Variants in MACROH2A2 observed in about 807,000 individuals in gnomAD.
MACROH2A2 encodes macroH2A.2 histone.
In MACROH2A2, 6 loss-of-function variants were observed where a neutral mutation model predicts 37.6. The observed-to-expected ratio is 0.16, with a 90% CI of 0.09 to 0.32. The LOEUF (loss-of-function observed/expected upper bound fraction) is 0.32, where lower values mean the gene tolerates loss of function less well. Ranked by LOEUF, MACROH2A2 falls within the 10% of genes least tolerant of loss-of-function variation. The pLI, the probability that MACROH2A2 is intolerant of heterozygous loss-of-function variation, is 1.00. For synonymous variants in MACROH2A2, 192 were observed against 202.7 expected, an observed-to-expected ratio of 0.95 and a Z score of 0.45; for missense variants, 290 against 485.9, an observed-to-expected ratio of 0.60 and a Z score of 3.79.
chr10:70,104,879 G>A (rs1483180501), intron 7 of MACROH2A2, among the ~76,000 whole-genome samples: 1 of 152,140 alleles, frequency 6.6e-6, no homozygotes, highest in Non-Finnish European at 1.5e-5. Context: ...GATGCTTCCT[G>A]ATTTCAACAA....
chr10:70,110,728 T>G (rs2072367164), intron 8 of MACROH2A2, among the ~76,000 whole-genome samples: 2 of 149,092 alleles, frequency 1.3e-5, no homozygotes, highest in African/African-American at 4.9e-5. Flanking sequence ...TACAAAAAAT[T>G]TAAAAAAAAA....
At chr10:70,069,418 G>T (rs143311832) in intron 1 of MACROH2A2, among the ~76,000 whole-genome samples, 1 of 152,218 alleles carries the variant, frequency 6.6e-6, no homozygotes, top group East Asian at 1.9e-4. Flanking sequence ...GTAATTATAA[G>T]ACTGTATACC....
At chr10:70,108,844 C>T (rs926200055) in intron 7 of MACROH2A2, among the ~76,000 whole-genome samples, 189 bp from the exon 8 acceptor site, 5 of 150,184 alleles carry the variant, frequency 3.3e-5, no homozygotes, top group Non-Finnish European at 5.9e-5. Flanking sequence ...CTTGTGCTAA[C>T]TGTGCAAAGC....
Position 70,075,956 on chromosome 10 carries a change from G to A in MACROH2A2, c.172+126G>A. On this transcript the variant is annotated intron_variant, in intron 2 of 8. Coordinates refer to ENST00000373255, the MANE Select transcript of MACROH2A2 (RefSeq NM_018649.3). This position sits in a 1 kb window ranked among gnomAD's most constrained non-coding sequence, Gnocchi z 5.0. ...CTGGCTCAAGGCTACTGTGGGTGGT[G>A]ACAGGGTTGCAACTGGCCTGCTTGG... 1.3e-6 allele frequency: 1 copy of A among 741,198 alleles called. No homozygotes were observed. The highest frequency in any genetic ancestry group is 2.2e-6 in the Non-Finnish European group (1 of 451,076). 45.9% of individuals were successfully genotyped at this position (741,198 alleles called of 1,614,324 possible).
rs2072009783 is a variant in MACROH2A2 at position 70,055,504 on chromosome 10, G to C, written c.-60+2504G>C. On this transcript the variant is annotated intron_variant, in intron 1 of 8. Transcript: ENST00000373255. Reference sequence around the variant, plus strand: ...AGGGGTCCTCCCATCTCAGCCTCCTGAGTATACACCAATTCTTAAACACCT... The same window carrying C: ...AGGGGTCCTCCCATCTCAGCCTCCTCAGTATACACCAATTCTTAAACACCT... 1.3e-5 allele frequency among the ~76,000 whole-genome samples: 2 copies of C among 152,022 alleles called. 1 individual carries two copies. Among genetic ancestry groups the C allele is most frequent in the Admixed American group, 1.3e-4 (2 of 15,264 alleles).
chr10:70,086,741 C>A (rs1366139621), intron 2 of MACROH2A2, among the ~76,000 whole-genome samples: 2 of 152,140 alleles, frequency 1.3e-5, no homozygotes, highest in East Asian at 3.8e-4. Flanking sequence ...AATTGGGAGG[C>A]TCATTAACCC....
intron 2 of MACROH2A2, among the ~76,000 whole-genome samples, chr10:70,084,725 C>T (rs942133532): frequency 7.2e-5 from 11 of 152,094 alleles, no homozygotes; most frequent in Non-Finnish European, 8.8e-5. Context: ...CCTTAGCCCC[C>T]TAAGTAGGTG....
intron 1 of MACROH2A2, among the ~76,000 whole-genome samples, chr10:70,063,059 G>A (rs962838968): frequency 2.0e-5 from 3 of 151,968 alleles, no homozygotes; most frequent in African/African-American, 7.2e-5. Context: ...GGCCCACCTT[G>A]CTGGCTGGCA....
chr10:70,098,393 G>A (rs1013208711), intron 6 of MACROH2A2: 1 of 150,660 alleles, frequency 6.6e-6, no homozygotes. Flanking sequence ...GAGGGAAGGA[G>A]GGGGAGGGGG....
chr10:70,084,470 TGAACCCAGGTTAAAACTGC>T (rs1294450064), intron 2 of MACROH2A2, among the ~76,000 whole-genome samples: 4 of 152,326 alleles, frequency 2.6e-5, no homozygotes, highest in African/African-American at 7.2e-5. Context: ...GAGAATCACT[TGAACCCAGGTTAAAACTGC>T]GAGCCCAGGT....
chr10:70,068,015 T>C (rs2072088769), intron 1 of MACROH2A2, among the ~76,000 whole-genome samples: 1 of 152,128 alleles, frequency 6.6e-6, no homozygotes, highest in Non-Finnish European at 1.5e-5. Flanking sequence ...AGAACTGAAA[T>C]TAACCCTTGT....
chr10:70,076,321 G>A (rs1306495297), intron 2 of MACROH2A2, among the ~76,000 whole-genome samples: 1 of 152,216 alleles, frequency 6.6e-6, no homozygotes, highest in Non-Finnish European at 1.5e-5. Context: ...TCAGGTGCTG[G>A]CATGAAGCCG....
rs1292594578 is a variant in MACROH2A2 at position 70,107,162 on chromosome 10, C to T, written c.779-1871C>T. Among the ~76,000 whole-genome samples, 1 of 152,182 alleles carries T rather than the reference C, an allele frequency of 6.6e-6. No individual in the cohort carries two copies. The highest frequency in any genetic ancestry group is 1.5e-5 in the Non-Finnish European group (1 of 68,032). On this transcript the variant is annotated intron_variant, in intron 7 of 8. Coordinates refer to ENST00000373255, the MANE Select transcript of MACROH2A2 (RefSeq NM_018649.3). The surrounding 1 kb of genome is among the most constrained non-coding windows in gnomAD (Gnocchi z 4.4). ...CCTGGGTCCTGCACTCAGGCGTTCA[C>T]GTGTGATGACACTGAGCCCCGTCTA...
intron 1 of MACROH2A2, among the ~76,000 whole-genome samples, chr10:70,056,521 A>G (rs1423794372): frequency 6.6e-6 from 1 of 152,258 alleles, no homozygotes; most frequent in Non-Finnish European, 1.5e-5. Context: ...GATTGATAAT[A>G]CATAATGATA....
At position 70,107,269 on chromosome 10, in the gene MACROH2A2, G is replaced by A. The variant is rs932494492; in HGVS notation, c.779-1764G>A. ...ATTTGGCTTCTACCCATGTGAGGAA[G>A]TGCAGTCAGCACTTCCCTGACACTG... On this transcript the variant is annotated intron_variant, in intron 7 of 8. Coordinates refer to ENST00000373255, the MANE Select transcript of MACROH2A2 (RefSeq NM_018649.3). This position sits in a 1 kb window ranked among gnomAD's most constrained non-coding sequence, Gnocchi z 4.4. Among the ~76,000 whole-genome samples the A allele has an allele frequency of 6.6e-6, 1 of 152,236 alleles. No individual in the cohort carries two copies. Among genetic ancestry groups the A allele is most frequent in the African/African-American group, 2.4e-5 (1 of 41,464 alleles).
At chr10:70,090,785 AT>A (rs1337521127) in intron 3 of MACROH2A2, among the ~76,000 whole-genome samples, 2 of 152,198 alleles carry the variant, frequency 1.3e-5, no homozygotes, top group Admixed American at 6.5e-5. Context: ...ACAAGCCATA[AT>A]TTTTTGTTAT....
At chr10:70,093,124 C>G (rs940840469) in intron 4 of MACROH2A2, among the ~76,000 whole-genome samples, 2 of 152,090 alleles carry the variant, frequency 1.3e-5, no homozygotes, top group Non-Finnish European at 2.9e-5. Context: ...ACCCTCCTGC[C>G]TCAGCCTCCC....
At chr10:70,095,784 A>G in intron 6 of MACROH2A2, 31 bp downstream of exon 6, 2 of 1,034,572 alleles carry the variant, frequency 1.9e-6, no homozygotes, top group East Asian at 2.4e-5. Context: ...TAGAAGTGCC[A>G]TAGAATAGGC....
chr10:70,078,632 G>A lies in MACROH2A2; in HGVS notation c.172+2802G>A, dbSNP rs115633326. Among the ~76,000 whole-genome samples the A allele has an allele frequency of 8.4e-3, 1,281 of 152,322 alleles. 27 individuals carry two copies. Among genetic ancestry groups the A allele is most frequent in the African/African-American group, 0.029 (1,224 of 41,566 alleles). On this transcript the variant is annotated intron_variant, in intron 2 of 8. Coordinates refer to ENST00000373255, the MANE Select transcript of MACROH2A2 (RefSeq NM_018649.3). ...ATATGTGTAAAACACCTGGCGTATA[G>A]GATGCACTCAATAAATGCTAATTCT... is the stretch of plus-strand genomic sequence containing the variant.
Sources: allele counts gnomAD v4.1 joint callset (sites outside exome capture counted in the v4.1 genomes callset), GRCh38; gene constraint gnomAD v4.1.1; non-coding constraint Gnocchi (gnomAD v3.1); transcripts MANE v1.5; gene names NCBI Gene and HGNC (gene_info 2026-07-23, HGNC 2026-07-21).